Variants in SCN1A observed in about 807,000 individuals in gnomAD.
SCN1A encodes the protein sodium voltage-gated channel alpha subunit 1, also known as sodium channel protein type 1 subunit alpha.
Under a neutral mutation model 193.7 loss-of-function variants are expected in SCN1A, and 13 were observed. That is an observed-to-expected ratio of 0.07 (90% CI 0.04 to 0.11). The LOEUF is 0.11. SCN1A is among the 10% of genes least tolerant of loss of function. SCN1A has a pLI of 1.00. For missense variants in SCN1A, 1,432 were observed against 2,451.1 expected, an observed-to-expected ratio of 0.58 and a Z score of 8.78; for synonymous variants, 781 against 843.6, an observed-to-expected ratio of 0.93 and a Z score of 1.29.
In SCN1A at chr2:166,042,399, C is replaced by T. The variant is rs1390871579; in HGVS notation, c.2069G>A (p.Arg690Lys). 5 of 1,613,722 alleles carry T rather than the reference C, an allele frequency of 3.1e-6. No individual in the cohort carries two copies. The highest frequency in any genetic ancestry group is 4.2e-6 in the Non-Finnish European group (5 of 1,179,864). ...DNGTTTETEM[R>K]KRRSSSFHVS... ...GTGGAAAGAACTTGACCTTCTCTTT[C>T]TCATTTCAGTTTCAGTGGTTGTTCC... Residue 690 changes from arginine to lysine, a missense_variant, in exon 15 of 29, where the codon AGA becomes AAA. Physicochemically the swap from Arg to Lys is conservative, Grantham distance 26 (BLOSUM62 2). This residue lies in a region of SCN1A where 316 missense variants were observed against 362.1 expected (regional missense o/e 0.87). Coordinates refer to ENST00000674923, the MANE Select transcript of SCN1A (RefSeq NM_001165963.4).
intron 4 of SCN1A, among the ~76,000 whole-genome samples, chr2:166,061,911 A>T (rs1282678106): frequency 6.6e-6 from 1 of 152,184 alleles, no homozygotes; most frequent in Non-Finnish European, 1.5e-5. Context: ...CTGATTTTAC[A>T]GTGTATTCCC....
chr2:166,063,203 C>A (rs1021135436), intron 4 of SCN1A, among the ~76,000 whole-genome samples: 2 of 152,000 alleles, frequency 1.3e-5, no homozygotes, highest in African/African-American at 2.4e-5. Context: ...CATTTTAACA[C>A]GTGGATAATT....
chr2:166,009,877 AATC>A (rs769651095), intron 22 of SCN1A, 36 bp from the exon 23 acceptor site: 4 of 1,595,652 alleles, frequency 2.5e-6, no homozygotes, highest in Non-Finnish European at 3.4e-6. Context: ...TAATAAACAG[AATC>A]ATCATTCAAT....
At chr2:166,045,870 G>T (rs1470541039) in intron 12 of SCN1A, among the ~76,000 whole-genome samples, 2 of 152,088 alleles carry the variant, frequency 1.3e-5, no homozygotes, top group Non-Finnish European at 2.9e-5. Context: ...GAAGAATGGG[G>T]AAGGGAGAAT....
chr2:166,049,676 C>T (rs2105878490), intron 9 of SCN1A, among the ~76,000 whole-genome samples: 1 of 152,020 alleles, frequency 6.6e-6, no homozygotes, highest in South Asian at 2.1e-4. Context: ...TTGGTATTTT[C>T]AACTTTCTTT....
intron 23 of SCN1A, among the ~76,000 whole-genome samples, chr2:166,008,659 G>A (rs1691983093): frequency 1.3e-5 from 2 of 150,920 alleles, no homozygotes; most frequent in African/African-American, 2.4e-5. Flanking sequence ...CAAGTCCTAC[G>A]TTCTTACAAA....
chr2:166,043,779 C>A lies in SCN1A; in HGVS notation c.1933G>T (p.Val645Leu), dbSNP rs747681959. The A allele has an allele frequency of 1.9e-6, 3 of 1,614,112 alleles. No homozygotes were observed. Among genetic ancestry groups the A allele is most frequent in the Non-Finnish European group, 1.7e-6 (2 of 1,180,048 alleles). The change falls in exon 14 of 29, where the codon GTG becomes TTG. Residue 645 changes from valine (V) to leucine (L), a missense_variant. Transcript: ENST00000674923. Reference protein sequence around the residue: ...FPANGKMHSTVDCNGVVSLVG... With the variant: ...FPANGKMHSTLDCNGVVSLVG... ...AAGGAAACCACACCATTGCAATCCA[C>A]AGTGCTGTGCATCTTCCCATTCGCT... is the stretch of plus-strand genomic sequence containing the variant.
intron 23 of SCN1A, 63 bp downstream of exon 23, chr2:166,009,656 C>T: frequency 6.7e-7 from 1 of 1,503,180 alleles, no homozygotes; most frequent in Admixed American, 2.1e-5. Context: ...TTTCCTTTTT[C>T]TAAATTTAAT....
rs1373614319 is a variant in SCN1A, at chr2:165,986,779, T to C, written c.*4466A>G. On this transcript the variant is annotated 3_prime_UTR_variant, in exon 29 of 29. Transcript: ENST00000674923. ...CTATGTCTGTTTACATACATACATA[T>C]ATATATAAATGTAACTCATTTTTCT... is the stretch of plus-strand genomic sequence containing the variant. 1 of 151,572 alleles carries C rather than the reference T, an allele frequency of 6.6e-6. No homozygotes were observed. The allele number at this position is 151,572 out of a possible 1,614,324, so 9.4% of individuals were successfully genotyped here.
chr2:166,006,375 A>G (rs771472560), intron 23 of SCN1A, among the ~76,000 whole-genome samples: 1 of 151,342 alleles, frequency 6.6e-6, no homozygotes, highest in African/African-American at 2.4e-5. Flanking sequence ...CTTGTATAAT[A>G]CACTTAAACT....
At chr2:166,092,862 A>G (rs1030445) in intron 2 of SCN1A, among the ~76,000 whole-genome samples, 22,982 of 152,116 alleles carry the variant, frequency 0.15, 2,040 homozygotes, top group South Asian at 0.25. Context: ...AATTTTTATA[A>G]TAACACATGA....
At chr2:166,039,276 T>C (rs925475958) in intron 17 of SCN1A, 147 bp downstream of exon 17, 4 of 761,376 alleles carry the variant, frequency 5.3e-6, no homozygotes, top group Admixed American at 5.7e-5. Flanking sequence ...TTTTTTTCCA[T>C]GTAGGAAAAG....
At chr2:166,041,824 T>C (rs957642646) in intron 15 of SCN1A, among the ~76,000 whole-genome samples, 4 of 152,168 alleles carry the variant, frequency 2.6e-5, no homozygotes, top group African/African-American at 4.8e-5. Flanking sequence ...TGACTCTACA[T>C]TGTCAACCTC....
intron 2 of SCN1A, among the ~76,000 whole-genome samples, chr2:166,083,233 A>T (rs1685725434): frequency 6.6e-6 from 1 of 152,068 alleles, no homozygotes; most frequent in Admixed American, 6.6e-5. Context: ...TTTCTCAATA[A>T]GCCAATTTTT....
At chr2:165,993,208 TGTGAGAGA>T (rs1559107927) in intron 28 of SCN1A, 5 of 141,546 alleles carry the variant, frequency 3.5e-5, no homozygotes, top group East Asian at 3.9e-4. Context: ...TGTGTGTGTG[TGTGAGAGA>T]GAGAGAGAGA....
At chr2:166,103,677 C>T (rs1017027413) in intron 2 of SCN1A, among the ~76,000 whole-genome samples, 2 of 151,872 alleles carry the variant, frequency 1.3e-5, no homozygotes, top group Non-Finnish European at 2.9e-5. Flanking sequence ...AGGTAAAGGA[C>T]TGAGGACATG....
At position 165,995,996 on chromosome 2, in the gene SCN1A, C is replaced by T; in HGVS notation, c.4581+17G>A. 1 of 1,508,462 alleles carries T rather than the reference C, an allele frequency of 6.6e-7. No individual in the cohort carries two copies. Among genetic ancestry groups the T allele is most frequent in the Non-Finnish European group, 9.2e-7 (1 of 1,085,546 alleles). 93.4% of individuals were successfully genotyped at this position (1,508,462 alleles called of 1,614,324 possible). A position where few individuals can be genotyped will look rare whatever the true frequency, so the allele number is the denominator to read the frequency against. On this transcript the variant is annotated intron_variant, in intron 27 of 28. Transcript: ENST00000674923. ...TTGTTTTTGTATTTTTCCCCCATAT[C>T]ATTTGATACTTCTTACTCCTGGTCG...
chr2:166,002,875 A>G (rs1310350163), intron 23 of SCN1A, 122 bp from the exon 24 acceptor site: 2 of 805,080 alleles, frequency 2.5e-6, no homozygotes, highest in African/African-American at 3.5e-5. Context: ...TTATTCTAGG[A>G]TATGTAAAAG....
Position 165,992,375 on chromosome 2 carries a change from G to C in SCN1A, c.4900C>G (p.Leu1634Val), listed in dbSNP as rs1211903272. The C allele has an allele frequency of 6.2e-7, 1 of 1,613,686 alleles. No individual in the cohort carries two copies. Among genetic ancestry groups the C allele is most frequent in the Non-Finnish European group, 8.5e-7 (1 of 1,179,778 alleles). ...CTAGCAAGACGGATCACTCGGAACA[G>C]GGTAGGGGACACGAAATACTTTTCT... ...LIEKYFVSPT[L>V]FRVIRLARIG... Residue 1634 changes from leucine to valine, a missense_variant, in exon 29 of 29, where the codon CTG (leucine) becomes GTG (valine). By Grantham distance (32) the Leu-to-Val change is conservative (BLOSUM62 1). Around this residue, in one of 18 missense-constraint regions of SCN1A, gnomAD observed 85 missense variants for 213.2 expected, o/e 0.40. Transcript: ENST00000674923. The surrounding 1 kb of genome is among the most constrained non-coding windows in gnomAD (Gnocchi z 6.5).
Sources: allele counts gnomAD v4.1 joint callset (sites outside exome capture counted in the v4.1 genomes callset), GRCh38; gene constraint gnomAD v4.1.1; regional missense constraint gnomAD v4.1.1; non-coding constraint Gnocchi (gnomAD v3.1); transcripts MANE v1.5; gene names NCBI Gene and HGNC (gene_info 2026-07-23, HGNC 2026-07-21).